DLGAP1: variants seen among roughly 807,000 people sequenced by gnomAD.
DLGAP1 encodes DLG associated protein 1.
A neutral mutation model predicts 90.8 loss-of-function variants in DLGAP1; 11 were observed. That is an observed-to-expected ratio of 0.12 (90% CI 0.08 to 0.20). The LOEUF (loss-of-function observed/expected upper bound fraction) is 0.20. Among genes scored for constraint, DLGAP1 ranks in the 10% least tolerant of loss-of-function variants. The pLI, the probability that DLGAP1 is intolerant of heterozygous loss-of-function variation, is 1.00. For missense variants in DLGAP1, 1,050 were observed against 1,333.8 expected, an observed-to-expected ratio of 0.79 and a Z score of 3.31; for synonymous variants, 558 against 540.7, an observed-to-expected ratio of 1.03 and a Z score of -0.44.
intron 5 of DLGAP1, among the ~76,000 whole-genome samples, chr18:3,749,148 CTTTTTTTTTTT>C (rs776707431): frequency 3.5e-4 from 42 of 120,668 alleles, no homozygotes; most frequent in Admixed American, 1.3e-3. Context: ...TCTTCTTCTT[CTTTTTTTTTTT>C]TTTTTTTTTT....
At chr18:3,828,976 T>C (rs1029470661) in intron 4 of DLGAP1, among the ~76,000 whole-genome samples, 1 of 152,230 alleles carries the variant, frequency 6.6e-6, no homozygotes, top group Admixed American at 6.5e-5. Context: ...TGTTAGCTAA[T>C]GTTTAAATCC....
intron 7 of DLGAP1, among the ~76,000 whole-genome samples, chr18:3,728,901 C>T (rs141911119): frequency 1.7e-4 from 26 of 152,212 alleles, no homozygotes; most frequent in Non-Finnish European, 7.4e-5. Context: ...CCTCATGGTG[C>T]CGTTGTTGCA....
chr18:3,825,426 A>C (rs2067657335), intron 4 of DLGAP1, among the ~76,000 whole-genome samples: 1 of 152,200 alleles, frequency 6.6e-6, no homozygotes, highest in South Asian at 2.1e-4. Context: ...TTTGCATATA[A>C]CCTATGCATT....
At position 3,499,079 on chromosome 18, in the gene DLGAP1, C is replaced by A; in HGVS notation, c.*106G>T. On this transcript the variant is annotated 3_prime_UTR_variant, in exon 13 of 13. Transcript: ENST00000315677. The surrounding 1 kb of genome is among the most constrained non-coding windows in gnomAD (Gnocchi z 6.4). ...ACTACACCGCGACAGTGGAAGTCAC[C>A]GAGCTCGGGAGCGGACGGGCTCGGA... 9.3e-7 allele frequency: 1 copy of A among 1,077,062 alleles called. No individual in the cohort carries two copies. Among genetic ancestry groups the A allele is most frequent in the South Asian group, 1.7e-5 (1 of 58,580 alleles). The allele number at this position is 1,077,062 out of a possible 1,614,324, so 66.7% of individuals were successfully genotyped here. A position where few individuals can be genotyped will look rare whatever the true frequency, so the allele number is the denominator to read the frequency against.
intron 1 of DLGAP1, among the ~76,000 whole-genome samples, chr18:4,321,969 G>A (rs902169353): frequency 1.3e-5 from 2 of 149,348 alleles, no homozygotes; most frequent in Admixed American, 1.3e-4. Flanking sequence ...AGGCCTAGGG[G>A]GGTGGATCAC....
chr18:4,285,585 GAC>G (rs1281624734), intron 1 of DLGAP1, among the ~76,000 whole-genome samples: 1 of 152,206 alleles, frequency 6.6e-6, no homozygotes, highest in African/African-American at 2.4e-5. Flanking sequence ...TCATGAATCA[GAC>G]AGTCCCCAGA....
At chr18:4,389,889 G>A (rs755274306) in intron 1 of DLGAP1, among the ~76,000 whole-genome samples, 1 of 152,076 alleles carries the variant, frequency 6.6e-6, no homozygotes, top group African/African-American at 2.4e-5. Context: ...AATATTACTG[G>A]TGAATAGTCT....
intron 3 of DLGAP1, among the ~76,000 whole-genome samples, chr18:3,973,635 T>A (rs937329518): frequency 6.6e-6 from 1 of 152,192 alleles, no homozygotes; most frequent in Non-Finnish European, 1.5e-5. Context: ...GCAGGCCAAC[T>A]GAGAGTCTTT....
At chr18:4,316,644 C>G (rs2143533540) in intron 1 of DLGAP1, among the ~76,000 whole-genome samples, 1 of 152,288 alleles carries the variant, frequency 6.6e-6, no homozygotes, top group South Asian at 2.1e-4. Context: ...CAGTTTCCTG[C>G]CACTCTACAT....
intron 4 of DLGAP1, among the ~76,000 whole-genome samples, chr18:3,867,825 T>C (rs1051680015): frequency 3.3e-5 from 5 of 152,222 alleles, no homozygotes; most frequent in African/African-American, 1.2e-4. Context: ...AAAGTACATG[T>C]TTTTAAAGAA....
At chr18:4,373,703 A>G (rs1421385138) in intron 1 of DLGAP1, among the ~76,000 whole-genome samples, 4 of 152,142 alleles carry the variant, frequency 2.6e-5, no homozygotes, top group Non-Finnish European at 4.4e-5. Context: ...CCTTTATCAC[A>G]TAGAGTATTT....
Position 4,168,376 on chromosome 18 carries a change from C to T in DLGAP1, c.-266-17089G>A, listed in dbSNP as rs554599654. Among the ~76,000 whole-genome samples the T allele has an allele frequency of 2.6e-5, 4 of 152,204 alleles. No homozygotes were observed. In the South Asian group the frequency reaches 6.2e-4, roughly 24 times the overall value. Reference sequence around the variant, plus strand: ...AGCAAATATTGCTGAAGCAATTAACCATCTATAAGCAAAAAAGATGAACCT... The same window carrying T: ...AGCAAATATTGCTGAAGCAATTAACTATCTATAAGCAAAAAAGATGAACCT... On this transcript the variant is annotated intron_variant, in intron 1 of 12. Coordinates refer to ENST00000315677, the MANE Select transcript of DLGAP1 (RefSeq NM_004746.4).
chr18:3,779,131 T>C (rs932029743), intron 5 of DLGAP1, among the ~76,000 whole-genome samples: 9 of 152,186 alleles, frequency 5.9e-5, no homozygotes, highest in African/African-American at 2.2e-4. Context: ...CCTCCTTCTG[T>C]CCCGATCTCA....
chr18:3,776,314 G>A (rs146805321), intron 5 of DLGAP1, among the ~76,000 whole-genome samples: 1 of 152,312 alleles, frequency 6.6e-6, no homozygotes, highest in Non-Finnish European at 1.5e-5. Context: ...ATCATCTGGA[G>A]CTCTCTGTCT....
chr18:3,809,633 C>T (rs1440557778), intron 5 of DLGAP1, among the ~76,000 whole-genome samples: 1 of 152,198 alleles, frequency 6.6e-6, no homozygotes, highest in Non-Finnish European at 1.5e-5. Context: ...ATATTATAGA[C>T]TGACTATTTC....
intron 3 of DLGAP1, among the ~76,000 whole-genome samples, chr18:3,968,559 A>G (rs2073377385): frequency 6.6e-6 from 1 of 152,232 alleles, no homozygotes; most frequent in Non-Finnish European, 1.5e-5. Flanking sequence ...GAAGTTTTAA[A>G]TAGTTAACAT....
intron 4 of DLGAP1, among the ~76,000 whole-genome samples, chr18:3,852,754 T>A (rs1380534285): frequency 6.6e-6 from 1 of 152,210 alleles, no homozygotes; most frequent in African/African-American, 2.4e-5. Flanking sequence ...GAGACAATCC[T>A]ATGTGCTTTT....
chr18:3,774,622 C>T (rs1258190881), intron 5 of DLGAP1: 7 of 152,190 alleles, frequency 4.6e-5, no homozygotes, highest in Non-Finnish European at 8.8e-5. Context: ...TGGGCCCAGT[C>T]GTTCCATTCG....
rs1261091113 is a variant in DLGAP1, at chr18:3,775,017, G to T, written c.1173-32505C>A. ...AAAGACTGAAGTCTGTCCAGGTAAA[G>T]AAAGTCTCATCTGGACGGACTTTTT... On this transcript the variant is annotated intron_variant, in intron 5 of 12. Transcript: ENST00000315677. The surrounding 1 kb of genome is among the most constrained non-coding windows in gnomAD (Gnocchi z 4.9). Among the ~76,000 whole-genome samples, 1 of 152,174 alleles carries T rather than the reference G, an allele frequency of 6.6e-6. No individual in the cohort carries two copies. The highest frequency in any genetic ancestry group is 1.5e-5 in the Non-Finnish European group (1 of 68,034).
Sources: allele counts gnomAD v4.1 joint callset (sites outside exome capture counted in the v4.1 genomes callset), GRCh38; gene constraint gnomAD v4.1.1; non-coding constraint Gnocchi (gnomAD v3.1); transcripts MANE v1.5; gene names NCBI Gene and HGNC (gene_info 2026-07-23, HGNC 2026-07-21).